SLC22A13: variants seen among roughly 807,000 people sequenced by gnomAD.
SLC22A13 encodes solute carrier family 22 member 13.
A neutral mutation model predicts 49.1 loss-of-function variants in SLC22A13; 42 were observed. The observed-to-expected ratio is 0.85, with a 90% CI of 0.67 to 1.11. The LOEUF is 1.11. SLC22A13 is among the 50% of genes least tolerant of loss of function. The pLI is 0.00. For missense variants in SLC22A13, 694 were observed against 712.8 expected (o/e 0.97, Z 0.30); for synonymous variants, 282 against 293.1 (o/e 0.96, Z 0.39).
At position 38,265,818 on chromosome 3, in the gene SLC22A13, C is replaced by G. The variant is rs200850837; in HGVS notation, c.-43C>G. 3 of 1,595,460 alleles carry G rather than the reference C, an allele frequency of 1.9e-6. No homozygotes were observed. The highest frequency in any genetic ancestry group is 2.3e-5 in the South Asian group (2 of 88,546). ...AAGTTCCCAGAGCCAAGCTACAGAG[C>G]TACCCTAGTGTCCCCAGGCTGAGGA... On this transcript the variant is annotated 5_prime_UTR_variant, in exon 1 of 10. Coordinates refer to ENST00000311856, the MANE Select transcript of SLC22A13 (RefSeq NM_004256.4).
chr3:38,275,026 C>A lies in SLC22A13; in HGVS notation c.675C>A (p.Ala225=), dbSNP rs41285119. The part of the protein sequence containing the change: ...EWVGPSWRTQ[A]VVLAQCNFSL... ...TGGGGCCCTCATGGAGGACGCAGGC[C>A]GTGGTCCTGGCCCAGTGCAACTTCT... is the stretch of plus-strand genomic sequence containing the variant. Residue 225 remains alanine, a synonymous_variant, in exon 4 of 10, where the codon GCC becomes GCA. Transcript: ENST00000311856. 6 of 1,614,230 alleles carry A rather than the reference C, an allele frequency of 3.7e-6. No individual in the cohort carries two copies. In the South Asian group the frequency reaches 5.5e-5, roughly 15 times the overall value.
rs201253206 is a variant in SLC22A13, at chr3:38,274,602, A to T, written c.483-2A>T. On this transcript the variant is annotated splice_acceptor_variant, in intron 2 of 9. Transcript: ENST00000311856. LOFTEE classifies it high-confidence loss of function. ...CCCCACAGACCTGCCCTGTTTCCTC[A>T]GGATTGGCCGCAAGGCCACAATCCT... The T allele has an allele frequency of 6.8e-6, 11 of 1,613,128 alleles. No homozygotes were observed. The East Asian group carries it at 2.5e-4, about 36-fold the overall frequency.
chr3:38,271,432 G>A (rs1381516133), intron 1 of SLC22A13, among the ~76,000 whole-genome samples: 1 of 151,666 alleles, frequency 6.6e-6, no homozygotes, highest in East Asian at 1.9e-4. Context: ...CAGGCATGGT[G>A]GCACATGCCT....
In SLC22A13 at chr3:38,272,598, C is replaced by T. The variant is rs958911935; in HGVS notation, c.379-1674C>T. On this transcript the variant is annotated intron_variant, in intron 1 of 9. Transcript: ENST00000311856. Reference sequence around the variant, plus strand: ...GCAATCTGTGGCTGCTAGACAAAAACCAAACAGGATAGAACTGGCTGGAGC... The same window carrying T: ...GCAATCTGTGGCTGCTAGACAAAAATCAAACAGGATAGAACTGGCTGGAGC... Among the ~76,000 whole-genome samples the T allele has an allele frequency of 4.6e-5, 7 of 152,184 alleles. No homozygotes were observed. The East Asian group carries it at 1.3e-3, about 29-fold the overall frequency.
intron 9 of SLC22A13, 65 bp downstream of exon 9, chr3:38,277,192 C>T (rs745511819): frequency 4.4e-5 from 57 of 1,284,126 alleles, no homozygotes; most frequent in Non-Finnish European, 5.8e-5. Context: ...CTCTATATGC[C>T]CAGGCCTCCA....
At chr3:38,267,571 C>T (rs1194593075) in intron 1 of SLC22A13, among the ~76,000 whole-genome samples, 1 of 152,306 alleles carries the variant, frequency 6.6e-6, no homozygotes. Flanking sequence ...ACAGACTACT[C>T]TAGGCCTTCT....
In SLC22A13 at chr3:38,275,613, C is replaced by T. The variant is rs758967515; in HGVS notation, c.963C>T (p.Ala321=). The T allele has an allele frequency of 3.1e-6, 5 of 1,614,232 alleles. No homozygotes were observed. Among genetic ancestry groups the T allele is most frequent in the Non-Finnish European group, 4.2e-6 (5 of 1,180,050 alleles). The change falls in exon 6 of 10, where the codon GCC becomes GCT. Residue 321 remains alanine (A), a synonymous_variant. Coordinates refer to ENST00000311856, the MANE Select transcript of SLC22A13 (RefSeq NM_004256.4). The part of the protein sequence containing the change: ...VPEKTGPSGN[A]LDLFRHPQLR... ...AGAAGACAGGCCCCTCAGGGAATGC[C>T]CTGGATCTGTTCAGACACCCCCAGC...
intron 1 of SLC22A13, among the ~76,000 whole-genome samples, chr3:38,271,626 T>C (rs907166636): frequency 2.5e-4 from 37 of 146,182 alleles, no homozygotes; most frequent in African/African-American, 7.9e-4. Context: ...CATCAATGAA[T>C]AGCAACAATC....
chr3:38,275,326 C>G (rs1289785851), intron 4 of SLC22A13, 44 bp from the exon 5 acceptor site: 1 of 1,612,224 alleles, frequency 6.2e-7, no homozygotes, highest in South Asian at 1.1e-5. Context: ...GGAAAGCTCC[C>G]TAGGACTCCA....
chr3:38,273,315 G>A (rs1453562464), intron 1 of SLC22A13, among the ~76,000 whole-genome samples: 1 of 152,126 alleles, frequency 6.6e-6, no homozygotes, highest in Admixed American at 6.5e-5. Flanking sequence ...CTCTCTATAG[G>A]TCTTGGGTGG....
chr3:38,277,153 C>A, intron 9 of SLC22A13, 26 bp downstream of exon 9: 1 of 1,524,554 alleles, frequency 6.6e-7, no homozygotes. Flanking sequence ...GCACTGAAAC[C>A]ACGACTTGGG....
rs1575387525 is a variant in SLC22A13, at chr3:38,266,077, C to T, written c.217C>T (p.Pro73Ser). The change falls in exon 1 of 10, where the codon CCC becomes TCC. Residue 73 changes from proline to serine, a missense_variant. Physicochemically the swap from Pro to Ser is moderately conservative, Grantham distance 74 (BLOSUM62 -1). Transcript: ENST00000311856. ...TGCTGAACAGCTGGTACTGAGCGTGCCCCTGGACACTGCAGGTCACCCAGA... is the reference window on the plus strand; with the variant it reads ...TGCTGAACAGCTGGTACTGAGCGTGTCCCTGGACACTGCAGGTCACCCAGA... ...SAAEQLVLSV[P>S]LDTAGHPEPC... is the part of the protein sequence containing the mutation. The T allele has an allele frequency of 6.2e-7, 1 of 1,614,174 alleles. No homozygotes were observed.
At chr3:38,276,582 C>T (rs943146115) in intron 8 of SLC22A13, among the ~76,000 whole-genome samples, 187 bp downstream of exon 8, 2 of 152,162 alleles carry the variant, frequency 1.3e-5, no homozygotes, top group Admixed American at 6.5e-5. Flanking sequence ...TGGTGGAGGA[C>T]AGACAGGCAA....
chr3:38,276,251 A>C, intron 7 of SLC22A13, 36 bp from the exon 8 acceptor site: 1 of 1,559,858 alleles, frequency 6.4e-7, no homozygotes, highest in Non-Finnish European at 8.8e-7. Flanking sequence ...GACCGGCGTC[A>C]GGGCCCAGGT....
At chr3:38,275,834 TG>T (rs1559538063) in intron 6 of SLC22A13, 47 bp from the exon 7 acceptor site, 1 of 1,567,832 alleles carries the variant, frequency 6.4e-7, no homozygotes, top group Non-Finnish European at 8.8e-7. Context: ...TCCCTCTGGG[TG>T]GTGTCTCGTC....
chr3:38,277,098 C>T lies in SLC22A13; in HGVS notation c.1533C>T (p.Leu511=). 3.8e-6 allele frequency: 6 copies of T among 1,571,994 alleles called. No individual in the cohort carries two copies. The highest frequency in any genetic ancestry group is 5.2e-6 in the Non-Finnish European group (6 of 1,158,428). The change falls in exon 9 of 10, where the codon CTC becomes CTT. Residue 511 remains leucine, a synonymous_variant. Coordinates refer to ENST00000311856, the MANE Select transcript of SLC22A13 (RefSeq NM_004256.4). ...ATGGCCAGGGCCTGAAAGACACCCT[C>T]CAGGACCTGGAGCTGGGGCCTCACC... ...ETHGQGLKDT[L]QDLELGPHPR...
chr3:38,277,563 C>A lies in SLC22A13; in HGVS notation c.*98C>A. The A allele has an allele frequency of 1.2e-6, 1 of 859,736 alleles. No homozygotes were observed. Among genetic ancestry groups the A allele is most frequent in the Non-Finnish European group, 1.9e-6 (1 of 539,780 alleles). 53.3% of individuals were successfully genotyped at this position (859,736 alleles called of 1,614,324 possible). On this transcript the variant is annotated 3_prime_UTR_variant, in exon 10 of 10. Transcript: ENST00000311856. Reference sequence around the variant, plus strand: ...CACAGGGACACAGGGCAAGACCAGCCTTGCTTATGGAGGCAGGACACCACA... The same window carrying A: ...CACAGGGACACAGGGCAAGACCAGCATTGCTTATGGAGGCAGGACACCACA...
At chr3:38,269,987 G>A (rs553900475) in intron 1 of SLC22A13, among the ~76,000 whole-genome samples, 5 of 151,098 alleles carry the variant, frequency 3.3e-5, no homozygotes, top group South Asian at 2.1e-4. Context: ...TTGTTCTTGC[G>A]ATAGTTTACT....
rs766729000 is a variant in SLC22A13, at chr3:38,265,974, C to A, written c.114C>A (p.Ala38=). ...LNFLSPFYFF[A]HVFMVLDEPH... is the part of the protein sequence containing the mutation. ...TCCTGTCTCCCTTCTACTTTTTTGCCCATGTCTTCATGGTCCTAGATGAGC... is the reference window on the plus strand; with the variant it reads ...TCCTGTCTCCCTTCTACTTTTTTGCACATGTCTTCATGGTCCTAGATGAGC... The change falls in exon 1 of 10, where the codon GCC becomes GCA. Residue 38 remains alanine, a synonymous_variant. Coordinates refer to ENST00000311856, the MANE Select transcript of SLC22A13 (RefSeq NM_004256.4). The A allele has an allele frequency of 2.5e-6, 4 of 1,614,104 alleles. No individual in the cohort carries two copies. The South Asian group carries it at 4.4e-5, about 18-fold the overall frequency.
Sources: allele counts gnomAD v4.1 joint callset (sites outside exome capture counted in the v4.1 genomes callset), GRCh38; gene constraint gnomAD v4.1.1; transcripts MANE v1.5; gene names NCBI Gene and HGNC (gene_info 2026-07-23, HGNC 2026-07-21).